The following ERC1 variants were observed in gnomAD, a reference collection of about 807,000 sequenced individuals.
ERC1 encodes RAB6 interacting protein 2.
A neutral mutation model predicts 132.0 loss-of-function variants in ERC1; 56 were observed. The ratio of observed to expected loss-of-function variants is 0.42; its 90% CI spans 0.34 to 0.53. The LOEUF (loss-of-function observed/expected upper bound fraction) is 0.53. ERC1 is among the 20% of genes least tolerant of loss of function. ERC1 has a pLI of 0.03. For missense variants in ERC1, 1,202 were observed against 1,349.9 expected (o/e 0.89, Z 1.72); for synonymous variants, 478 against 476.1 (o/e 1.00, Z -0.05).
intron 12 of ERC1, chr12:1,204,214 TG>T (rs2154286796): frequency 3.1e-6 from 1 of 324,504 alleles, no homozygotes; most frequent in African/African-American, 2.1e-5. Context: ...TTTAAGAAAT[TG>T]TTTTTTTTTT....
At chr12:1,261,241 C>CA (rs1374700857) in intron 13 of ERC1, among the ~76,000 whole-genome samples, 1 of 152,170 alleles carries the variant, frequency 6.6e-6, no homozygotes, top group Non-Finnish European at 1.5e-5. Context: ...AGAAGCCTCT[C>CA]AGGAGACTTG....
intron 7 of ERC1, among the ~76,000 whole-genome samples, chr12:1,125,879 T>C (rs1181661798): frequency 6.6e-6 from 1 of 152,154 alleles, no homozygotes; most frequent in Non-Finnish European, 1.5e-5. Context: ...TTAAATTTTG[T>C]AAGGAGGAGT....
At chr12:1,398,620 T>C (rs1287379863) in intron 16 of ERC1, among the ~76,000 whole-genome samples, 8 of 152,240 alleles carry the variant, frequency 5.3e-5, no homozygotes, top group Admixed American at 5.2e-4. Flanking sequence ...CACAGCCGGA[T>C]TGTGGTTTCC....
At chr12:1,454,652 ATAAT>A (rs1411268880) in intron 18 of ERC1, among the ~76,000 whole-genome samples, 2 of 152,296 alleles carry the variant, frequency 1.3e-5, no homozygotes, top group South Asian at 2.1e-4. Flanking sequence ...GCCTCTAATA[ATAAT>A]TAAAGTCTTC....
intron 12 of ERC1, among the ~76,000 whole-genome samples, chr12:1,203,767 C>T (rs1429855916): frequency 6.6e-6 from 1 of 152,194 alleles, no homozygotes; most frequent in Non-Finnish European, 1.5e-5. Flanking sequence ...CAGTAATGAA[C>T]TGTAAGGGCT....
intron 15 of ERC1, among the ~76,000 whole-genome samples, chr12:1,332,438 T>A (rs1478899190): frequency 1.3e-5 from 2 of 152,238 alleles, no homozygotes; most frequent in Non-Finnish European, 2.9e-5. Flanking sequence ...TTTCACGTAT[T>A]AGTCAATTCT....
intron 15 of ERC1, among the ~76,000 whole-genome samples, 154 bp downstream of exon 15, chr12:1,290,166 A>C (rs576074755): frequency 3.9e-5 from 6 of 152,352 alleles, no homozygotes; most frequent in Admixed American, 6.5e-5. Context: ...ATTTGGTCAA[A>C]GGTGGAACAA....
At position 1,236,895 on chromosome 12, in the gene ERC1, G is replaced by A; in HGVS notation, c.2478G>A (p.Gln826=). The change falls in exon 13 of 19, where the codon CAG becomes CAA. Residue 826 remains glutamine (Q), a synonymous_variant. Coordinates refer to ENST00000360905, the MANE Select transcript of ERC1 (RefSeq NM_178040.4). Reference sequence around the variant, plus strand: ...AGGACAATCTCAACGACAGCTCTCAGCAGCTACAGGTTAGAACACAAGGAG... The same window carrying A: ...AGGACAATCTCAACGACAGCTCTCAACAGCTACAGGTTAGAACACAAGGAG... ...RREDNLNDSS[Q]QLQDSLRKKD... The A allele has an allele frequency of 6.2e-7, 1 of 1,613,978 alleles. No individual in the cohort carries two copies. The highest frequency in any genetic ancestry group is 8.5e-7 in the Non-Finnish European group (1 of 1,179,886).
At chr12:1,413,876 G>T (rs74059524) in intron 17 of ERC1, among the ~76,000 whole-genome samples, 4,122 of 152,316 alleles carry the variant, frequency 0.027, 184 homozygotes, top group African/African-American at 0.095. Flanking sequence ...TAAACCAGCA[G>T]TCCCCAACCT....
chr12:1,360,504 C>T (rs2085986713), intron 15 of ERC1, among the ~76,000 whole-genome samples: 1 of 152,172 alleles, frequency 6.6e-6, no homozygotes, highest in African/African-American at 2.4e-5. Context: ...TATGCACTTA[C>T]ACTTCACTGT....
chr12:1,320,907 T>C (rs2082074550), intron 15 of ERC1, among the ~76,000 whole-genome samples: 1 of 152,170 alleles, frequency 6.6e-6, no homozygotes, highest in Non-Finnish European at 1.5e-5. Context: ...TTCACCGTGT[T>C]AGCCAGGATG....
intron 6 of ERC1, chr12:1,115,643 T>C (rs1176565251): frequency 4.6e-6 from 2 of 435,032 alleles, no homozygotes; most frequent in Non-Finnish European, 8.2e-6. Flanking sequence ...ACACAATAAA[T>C]GAAAACTGGA....
At chr12:1,192,394 T>G (rs781530776) in intron 12 of ERC1, among the ~76,000 whole-genome samples, 1 of 152,250 alleles carries the variant, frequency 6.6e-6, no homozygotes, top group Non-Finnish European at 1.5e-5. Context: ...AGTACTCGTT[T>G]GCATATGTGT....
At chr12:1,184,137 C>CAAAAAAAAAAA (rs75254476) in intron 11 of ERC1, among the ~76,000 whole-genome samples, 1 of 83,928 alleles carries the variant, frequency 1.2e-5, no homozygotes. Flanking sequence ...CTCCATCTCA[C>CAAAAAAAAAAA]AAAAAAAAAA....
chr12:1,471,269 G>C (rs1374098021), intron 18 of ERC1, among the ~76,000 whole-genome samples: 2 of 152,186 alleles, frequency 1.3e-5, no homozygotes, highest in East Asian at 3.8e-4. Context: ...TAAAAAATTA[G>C]AGAGGTATAA....
chr12:999,579 G>A (rs887726049), intron 1 of ERC1, among the ~76,000 whole-genome samples: 7 of 148,118 alleles, frequency 4.7e-5, no homozygotes, highest in African/African-American at 1.5e-4. Context: ...TCCTCTGCCA[G>A]GTTGCAAGCA....
rs549840479 is a variant in ERC1 at position 1,062,433 on chromosome 12, T to C, written c.670-20731T>C. 1.2e-4 allele frequency among the ~76,000 whole-genome samples: 19 copies of C among 152,218 alleles called. No homozygotes were observed. In the East Asian group the frequency reaches 3.7e-3, roughly 29 times the overall value. On this transcript the variant is annotated intron_variant, in intron 2 of 18. Transcript: ENST00000360905. ...CACCACACCTTGTCATTATGTTGTG[T>C]TTCTATTTCGGTTTTTTTTCCAACA...
At chr12:1,489,602 T>G (rs1470364215) in intron 18 of ERC1, among the ~76,000 whole-genome samples, 1 of 152,246 alleles carries the variant, frequency 6.6e-6, no homozygotes, top group African/African-American at 2.4e-5. Flanking sequence ...AAAGGGATTA[T>G]CTTGTGTTTC....
At chr12:1,123,062 T>C (rs1593480256) in intron 7 of ERC1, among the ~76,000 whole-genome samples, 4 of 152,084 alleles carry the variant, frequency 2.6e-5, no homozygotes, top group African/African-American at 7.2e-5. Context: ...CTTACGGTGG[T>C]GATGGGGTAA....
Sources: gnomAD v4.1 joint callset for allele counts (sites outside exome capture counted in the v4.1 genomes callset) on GRCh38, gnomAD v4.1.1 for gene constraint, MANE v1.5 for transcripts, NCBI Gene and HGNC (gene_info 2026-07-23, HGNC 2026-07-21) for gene names.